TNPO1: variants seen among roughly 807,000 people sequenced by gnomAD.
TNPO1 encodes transportin 1.
Under a neutral mutation model 119.5 loss-of-function variants are expected in TNPO1, and 8 were observed. The observed-to-expected ratio is 0.07, with a 90% CI of 0.04 to 0.12. TNPO1 has a LOEUF of 0.12. Ranked by LOEUF, TNPO1 falls within the 10% of genes least tolerant of loss-of-function variation. The pLI, the probability that TNPO1 is intolerant of heterozygous loss-of-function variation, is 1.00. For synonymous variants in TNPO1, 362 were observed against 363.0 expected (o/e 1.00, Z 0.03); for missense variants, 576 against 1,089.8 (o/e 0.53, Z 6.64).
chr5:72,824,660 C>G (rs1282593825), intron 1 of TNPO1, among the ~76,000 whole-genome samples: 1 of 152,136 alleles, frequency 6.6e-6, no homozygotes, highest in Admixed American at 6.5e-5. Flanking sequence ...TTTCACTGAC[C>G]TCTTAATGTT....
chr5:72,829,851 C>T lies in TNPO1; in HGVS notation c.15+13099C>T, dbSNP rs115588849. Among the ~76,000 whole-genome samples the T allele has an allele frequency of 3.5e-3, 534 of 152,152 alleles. 5 individuals are homozygous for T. The highest frequency in any genetic ancestry group is 0.012 in the African/African-American group (518 of 41,486). On this transcript the variant is annotated intron_variant, in intron 1 of 24. Transcript: ENST00000337273. ...TTCTTGGCACTGAAGACTTAAACAC[C>T]CTTAGAGGAAGGCAGTTAGTCCTAA...
chr5:72,878,717 C>G, intron 9 of TNPO1: 1 of 223,186 alleles, frequency 4.5e-6, no homozygotes, highest in Non-Finnish European at 9.0e-6. Context: ...TTTCTCTTTA[C>G]TTTGTAATGC....
rs1490929798 is a variant in TNPO1, at chr5:72,872,549, ATAT to A, written c.597-88_597-86del. On this transcript the variant is annotated intron_variant, in intron 6 of 24. Coordinates refer to ENST00000337273, the MANE Select transcript of TNPO1 (RefSeq NM_002270.4). ...TGGGTATATTGATAGACATATCATA[ATAT>A]TTTTATGGAGGAATGTTTTTACCAA... 11 of 824,394 alleles carry A rather than the reference ATAT, an allele frequency of 1.3e-5. No homozygotes were observed. In the Admixed American group the frequency reaches 2.4e-4, roughly 18 times the overall value. The allele number at this position is 824,394 out of a possible 1,614,324, so 51.1% of individuals were successfully genotyped here.
At chr5:72,875,301 T>A (rs1747678858) in intron 7 of TNPO1, among the ~76,000 whole-genome samples, 1 of 152,218 alleles carries the variant, frequency 6.6e-6, no homozygotes, top group Admixed American at 6.5e-5. Context: ...TAGGGAATAG[T>A]CTTTTGTCTC....
At chr5:72,841,475 C>G (rs966610055) in intron 1 of TNPO1, among the ~76,000 whole-genome samples, 1 of 151,704 alleles carries the variant, frequency 6.6e-6, no homozygotes, top group African/African-American at 2.4e-5. Flanking sequence ...CCTCAGCCTC[C>G]TAAGTAGCTG....
chr5:72,874,796 T>A (rs541919770), intron 7 of TNPO1, among the ~76,000 whole-genome samples: 14 of 152,352 alleles, frequency 9.2e-5, no homozygotes, highest in African/African-American at 3.1e-4. Flanking sequence ...GTTACTTAAC[T>A]TTTTAAATGC....
At chr5:72,894,049 G>A (rs1226052172) in intron 18 of TNPO1, among the ~76,000 whole-genome samples, 1 of 152,184 alleles carries the variant, frequency 6.6e-6, no homozygotes, top group Non-Finnish European at 1.5e-5. Flanking sequence ...GAGGTACACA[G>A]AAATAGTAAT....
intron 19 of TNPO1, 27 bp from the exon 20 acceptor site, chr5:72,897,014 ATTTTTTCTTTTTTGT>A: frequency 1.5e-6 from 2 of 1,358,330 alleles, no homozygotes; most frequent in Non-Finnish European, 2.0e-6. Context: ...TTAACGTTCA[ATTTTTTCTTTTTTGT>A]TTTTTTCTTT....
intron 9 of TNPO1, chr5:72,878,831 G>T: frequency 2.4e-6 from 1 of 415,580 alleles, no homozygotes. Context: ...TTCTTCAAGA[G>T]CAGAAATCCG....
At chr5:72,878,728 C>A (rs1748007442) in intron 9 of TNPO1, 2 of 234,992 alleles carry the variant, frequency 8.5e-6, no homozygotes, top group Non-Finnish European at 1.7e-5. Context: ...TTTGTAATGC[C>A]ACTTTAATGA....
chr5:72,905,567 C>G (rs940146755), intron 24 of TNPO1, 122 bp downstream of exon 24: 1 of 513,946 alleles, frequency 1.9e-6, no homozygotes, highest in African/African-American at 2.0e-5. Context: ...AAAACATAGC[C>G]TCATATCATT....
At chr5:72,831,918 C>T (rs1333310194) in intron 1 of TNPO1, among the ~76,000 whole-genome samples, 1 of 151,978 alleles carries the variant, frequency 6.6e-6, no homozygotes, top group Admixed American at 6.6e-5. Context: ...ACTTTTTAAG[C>T]ATAAATACTT....
intron 2 of TNPO1, among the ~76,000 whole-genome samples, chr5:72,849,059 G>C (rs1363136935): frequency 6.6e-6 from 1 of 152,202 alleles, no homozygotes; most frequent in African/African-American, 2.4e-5. Context: ...AAAAAGGCTG[G>C]GGACCTACAG....
chr5:72,871,595 A>G (rs1580431309), intron 6 of TNPO1, among the ~76,000 whole-genome samples: 1 of 152,360 alleles, frequency 6.6e-6, no homozygotes, highest in Admixed American at 6.5e-5. Context: ...TGATTCAGAG[A>G]TACTTTATGT....
Position 72,820,534 on chromosome 5 carries a change from C to CATGTACACTTTCATGTACACTT in TNPO1, c.15+3782_15+3783insATGTACACTTTCATGTACACTT, listed in dbSNP as rs1431018496. Among the ~76,000 whole-genome samples, 4 of 152,204 alleles carry CATGTACACTTTCATGTACACTT rather than the reference C, an allele frequency of 2.6e-5. No homozygotes were observed. In the East Asian group the frequency reaches 7.7e-4, roughly 29 times the overall value. On this transcript the variant is annotated intron_variant, in intron 1 of 24. Transcript: ENST00000337273. ...CATTGTCACTTTCATGTACATTTTT[C>CATGTACACTTTCATGTACACTT]TCATTTATTATGTTGGCTCTGTGTT...
At chr5:72,847,134 A>G (rs576451491) in intron 1 of TNPO1, among the ~76,000 whole-genome samples, 1 of 152,240 alleles carries the variant, frequency 6.6e-6, no homozygotes, top group East Asian at 1.9e-4. Flanking sequence ...CAGGCTATTA[A>G]GCAGAAAAAT....
chr5:72,833,580 G>A (rs1007339818), intron 1 of TNPO1, among the ~76,000 whole-genome samples: 24 of 152,228 alleles, frequency 1.6e-4, no homozygotes, highest in African/African-American at 5.3e-4. Context: ...TATTCAATTG[G>A]CCAACAACTT....
At chr5:72,856,358 A>G (rs1745998565) in intron 4 of TNPO1, among the ~76,000 whole-genome samples, 1 of 151,960 alleles carries the variant, frequency 6.6e-6, no homozygotes, top group Admixed American at 6.6e-5. Flanking sequence ...CAGCCTCCCG[A>G]GTAGCTGTGA....
chr5:72,848,074 G>C (rs1164141697), intron 1 of TNPO1: 7 of 1,095,778 alleles, frequency 6.4e-6, no homozygotes, highest in Non-Finnish European at 7.8e-6. Flanking sequence ...CTAGGACCCA[G>C]GGGGCTCCCG....
Sources: gnomAD v4.1 joint callset for allele counts (sites outside exome capture counted in the v4.1 genomes callset) on GRCh38, gnomAD v4.1.1 for gene constraint, MANE v1.5 for transcripts, NCBI Gene and HGNC (gene_info 2026-07-23, HGNC 2026-07-21) for gene names.